METTL15: variants seen among roughly 807,000 people sequenced by gnomAD.
METTL15 encodes methyltransferase 15, mitochondrial 12S rRNA N4-cytidine, also known as 12S rRNA N(4)-cytidine methyltransferase METTL15.
In METTL15, 34 loss-of-function variants were observed where a neutral mutation model predicts 38.3. That is an observed-to-expected ratio of 0.89 (90% CI 0.68 to 1.18). The LOEUF is 1.18. Ranked by LOEUF, METTL15 falls within the 50% of genes most tolerant of loss-of-function variation. The pLI is 0.00. For missense variants in METTL15, 438 were observed against 498.4 expected, an observed-to-expected ratio of 0.88 and a Z score of 1.15; for synonymous variants, 162 against 170.9, an observed-to-expected ratio of 0.95 and a Z score of 0.41.
chr11:28,226,913 C>G (rs1217327566), intron 4 of METTL15, among the ~76,000 whole-genome samples: 1 of 151,768 alleles, frequency 6.6e-6, no homozygotes. Context: ...CAAATATAAA[C>G]AAGCATGAAA....
chr11:28,267,581 A>G (rs566752788), intron 4 of METTL15, among the ~76,000 whole-genome samples: 74 of 152,202 alleles, frequency 4.9e-4, no homozygotes, highest in Non-Finnish European at 9.8e-4. Context: ...TATCAGCTCC[A>G]TGAGGGTAGA....
chr11:28,283,798 A>G (rs540142167), intron 4 of METTL15, among the ~76,000 whole-genome samples: 1 of 152,288 alleles, frequency 6.6e-6, no homozygotes, highest in African/African-American at 2.4e-5. Flanking sequence ...AGTGTTCTGG[A>G]TCACAAGCAA....
intron 4 of METTL15, among the ~76,000 whole-genome samples, chr11:28,255,797 A>G (rs759050857): frequency 4.3e-4 from 66 of 152,256 alleles, no homozygotes; most frequent in Non-Finnish European, 6.6e-4. Context: ...TCCACCTCCC[A>G]GGTTCAAGCG....
chr11:28,378,763 T>G (rs1460119354), intron 5 of METTL15, among the ~76,000 whole-genome samples: 3 of 85,924 alleles, frequency 3.5e-5, no homozygotes, highest in Non-Finnish European at 8.0e-5. Flanking sequence ...CCTCTTCAGT[T>G]TTTTTTTTTT....
Position 28,160,653 on chromosome 11 carries a change from A to C in METTL15, c.270+47049A>C, listed in dbSNP as rs1206109620. 2.0e-5 allele frequency among the ~76,000 whole-genome samples: 3 copies of C among 152,188 alleles called. No homozygotes were observed. In the East Asian group the frequency reaches 5.8e-4, roughly 29 times the overall value. On this transcript the variant is annotated intron_variant, in intron 3 of 6. Coordinates refer to ENST00000407364, the MANE Select transcript of METTL15 (RefSeq NM_001113528.2). Reference sequence around the variant, plus strand: ...GAGTTGGTATACTTAAATTTGCCAAAGAACTTGTGCCTATGATATCAATAT... The same window carrying C: ...GAGTTGGTATACTTAAATTTGCCAACGAACTTGTGCCTATGATATCAATAT...
intron 5 of METTL15, among the ~76,000 whole-genome samples, chr11:28,365,488 T>G (rs1850176838): frequency 6.6e-6 from 1 of 152,198 alleles, no homozygotes; most frequent in Admixed American, 6.5e-5. Context: ...CTCTGAAGAT[T>G]GTTTGTATTT....
intron 6 of METTL15, among the ~76,000 whole-genome samples, chr11:28,453,546 G>C (rs756584706): frequency 6.6e-6 from 1 of 152,118 alleles, no homozygotes; most frequent in African/African-American, 2.4e-5. Flanking sequence ...CCAAGGATGT[G>C]GTATTACTTT....
intron 3 of METTL15, among the ~76,000 whole-genome samples, chr11:28,170,539 T>C (rs935662994): frequency 6.6e-6 from 1 of 152,138 alleles, no homozygotes; most frequent in African/African-American, 2.4e-5. Flanking sequence ...TGATAATACT[T>C]ATAATTATTT....
downstream of METTL15, among the ~76,000 whole-genome samples, chr11:28,529,941 A>G (rs1424214876): frequency 6.6e-6 from 1 of 152,176 alleles, no homozygotes; most frequent in Non-Finnish European, 1.5e-5. Flanking sequence ...AGCAGAAAAT[A>G]GCTCCATAAA....
chr11:28,159,724 T>C (rs1850388035), intron 3 of METTL15, among the ~76,000 whole-genome samples: 1 of 152,214 alleles, frequency 6.6e-6, no homozygotes, highest in Non-Finnish European at 1.5e-5. Flanking sequence ...TAAGTATCGT[T>C]AACTTTATGT....
At chr11:28,528,804 T>C (rs1564957451), downstream of METTL15, among the ~76,000 whole-genome samples, 1 of 152,220 alleles carries the variant, frequency 6.6e-6, no homozygotes, top group Non-Finnish European at 1.5e-5. Flanking sequence ...AACTGAGCAC[T>C]CTTTAAAATA....
intron 4 of METTL15, among the ~76,000 whole-genome samples, chr11:28,269,769 A>T (rs765877130): frequency 6.6e-6 from 1 of 152,204 alleles, no homozygotes; most frequent in Non-Finnish European, 1.5e-5. Context: ...TTCCCCTGAA[A>T]ATATTAAAAT....
intron 5 of METTL15, among the ~76,000 whole-genome samples, chr11:28,370,612 T>G (rs941834068): frequency 1.3e-5 from 2 of 151,918 alleles, no homozygotes; most frequent in African/African-American, 4.8e-5. Flanking sequence ...TCTATTTTTG[T>G]TTTTTTGAGA....
At chr11:28,320,917 A>C (rs140420118) in intron 6 of METTL15, among the ~76,000 whole-genome samples, 9 of 152,300 alleles carry the variant, frequency 5.9e-5, no homozygotes, top group Non-Finnish European at 1.0e-4. Flanking sequence ...AAATTTGAGA[A>C]TGTTCCATTA....
chr11:28,115,100 T>A (rs1043935131), intron 3 of METTL15, among the ~76,000 whole-genome samples: 1 of 152,180 alleles, frequency 6.6e-6, no homozygotes, highest in African/African-American at 2.4e-5. Flanking sequence ...AACAGACAGT[T>A]GACCCTTGAA....
chr11:28,460,381 G>A (rs1306138339), intron 6 of METTL15, among the ~76,000 whole-genome samples: 4 of 152,078 alleles, frequency 2.6e-5, no homozygotes, highest in Non-Finnish European at 5.9e-5. Flanking sequence ...TCAAGGGACT[G>A]TGTTCTCTCC....
At chr11:28,120,387 C>G (rs528705423) in intron 3 of METTL15, among the ~76,000 whole-genome samples, 1 of 150,696 alleles carries the variant, frequency 6.6e-6, no homozygotes, top group Non-Finnish European at 1.5e-5. Context: ...TGCATTCTTC[C>G]TTTGTTTGGA....
chr11:28,196,973 T>C (rs903286880), intron 3 of METTL15, among the ~76,000 whole-genome samples: 2 of 151,964 alleles, frequency 1.3e-5, no homozygotes, highest in Admixed American at 1.3e-4. Flanking sequence ...AATACCAAAG[T>C]CTTTTAAAGT....
At chr11:28,185,093 T>C (rs910160228) in intron 3 of METTL15, among the ~76,000 whole-genome samples, 8 of 151,616 alleles carry the variant, frequency 5.3e-5, no homozygotes, top group Non-Finnish European at 1.2e-4. Context: ...AGTCTTTAAC[T>C]GTTTTCTAAT....
Sources: allele counts gnomAD v4.1 joint callset (sites outside exome capture counted in the v4.1 genomes callset), GRCh38; gene constraint gnomAD v4.1.1; transcripts MANE v1.5; gene names NCBI Gene and HGNC (gene_info 2026-07-23, HGNC 2026-07-21).